Variants in GRIA1 observed in about 807,000 individuals in gnomAD.
GRIA1 encodes the protein glutamate ionotropic receptor AMPA type subunit 1.
A neutral mutation model predicts 99.2 loss-of-function variants in GRIA1; 31 were observed. The observed-to-expected ratio is 0.31, with a 90% confidence interval of 0.23 to 0.42. The LOEUF is 0.42. GRIA1 is among the 10% of genes least tolerant of loss of function. The pLI, the probability that GRIA1 is intolerant of heterozygous loss-of-function variation, is 1.00. For synonymous variants in GRIA1, 438 were observed against 432.4 expected (o/e 1.01, Z -0.16); for missense variants, 782 against 1,157.5 (o/e 0.68, Z 4.71).
At chr5:153,656,874 C>T (rs1754998390) in intron 5 of GRIA1, among the ~76,000 whole-genome samples, 1 of 152,122 alleles carries the variant, frequency 6.6e-6, no homozygotes, top group African/African-American at 2.4e-5. Context: ...TAAGCTCCTC[C>T]AGCCCTAGGC....
chr5:153,649,805 A>C (rs1268080405), intron 3 of GRIA1, among the ~76,000 whole-genome samples: 1 of 152,198 alleles, frequency 6.6e-6, no homozygotes, highest in Non-Finnish European at 1.5e-5. Flanking sequence ...GAGACAAAGT[A>C]TTAGGTATTA....
intron 7 of GRIA1, among the ~76,000 whole-genome samples, chr5:153,678,921 G>A (rs891957401): frequency 2.2e-4 from 34 of 152,322 alleles, no homozygotes; most frequent in African/African-American, 7.9e-4. Context: ...GAAAATGAAG[G>A]GGGTGGAGAG....
chr5:153,508,031 C>A (rs764387655), intron 2 of GRIA1, among the ~76,000 whole-genome samples: 6 of 152,190 alleles, frequency 3.9e-5, no homozygotes, highest in Non-Finnish European at 8.8e-5. Flanking sequence ...CCAGCAAACT[C>A]CCTGTACCCT....
At chr5:153,799,716 C>T (rs1033625839) in intron 14 of GRIA1, among the ~76,000 whole-genome samples, 1 of 152,172 alleles carries the variant, frequency 6.6e-6, no homozygotes, top group African/African-American at 2.4e-5. Flanking sequence ...GGTGGCAGTT[C>T]CTATACCGTC....
At chr5:153,697,878 A>G (rs1340058767) in intron 8 of GRIA1, among the ~76,000 whole-genome samples, 166 bp from the exon 9 acceptor site, 1 of 152,154 alleles carries the variant, frequency 6.6e-6, no homozygotes, top group Non-Finnish European at 1.5e-5. Flanking sequence ...CCTGAAAAGC[A>G]CTGTGCTTCT....
At chr5:153,720,189 G>A (rs924969927) in intron 11 of GRIA1, among the ~76,000 whole-genome samples, 3 of 152,210 alleles carry the variant, frequency 2.0e-5, no homozygotes, top group African/African-American at 7.2e-5. Flanking sequence ...GGTAAAGTTA[G>A]CATCGAGCAT....
At chr5:153,511,727 T>A (rs774997357) in intron 2 of GRIA1, among the ~76,000 whole-genome samples, 3 of 152,224 alleles carry the variant, frequency 2.0e-5, no homozygotes, top group Non-Finnish European at 4.4e-5. Flanking sequence ...CACAGAACTT[T>A]TGACCGTCAC....
intron 5 of GRIA1, among the ~76,000 whole-genome samples, chr5:153,658,856 C>G (rs1336559141): frequency 6.6e-6 from 1 of 152,160 alleles, no homozygotes; most frequent in Non-Finnish European, 1.5e-5. Flanking sequence ...TAGCAGATCA[C>G]TTCGGAGGAA....
intron 11 of GRIA1, among the ~76,000 whole-genome samples, chr5:153,710,274 G>A (rs980806692): frequency 9.2e-5 from 14 of 151,352 alleles, no homozygotes; most frequent in Non-Finnish European, 1.5e-5. Context: ...CCCAGCTGGA[G>A]TGTAGTGGTG....
At chr5:153,759,733 A>G (rs1299247657) in intron 11 of GRIA1, among the ~76,000 whole-genome samples, 2 of 151,938 alleles carry the variant, frequency 1.3e-5, no homozygotes, top group Non-Finnish European at 2.9e-5. Flanking sequence ...TCCCAAAACC[A>G]GACACAACAA....
chr5:153,808,934 G>A (rs182672199), intron 15 of GRIA1, among the ~76,000 whole-genome samples: 32 of 152,296 alleles, frequency 2.1e-4, no homozygotes, highest in African/African-American at 5.5e-4. Context: ...ACTTTGGCAA[G>A]CACCAATGTT....
chr5:153,579,432 A>G (rs1762854149), intron 2 of GRIA1, among the ~76,000 whole-genome samples: 1 of 152,218 alleles, frequency 6.6e-6, no homozygotes, highest in South Asian at 2.1e-4. Context: ...AGTGAGGCTG[A>G]GAGTCAAGTC....
At chr5:153,542,553 G>C (rs935182385) in intron 2 of GRIA1, among the ~76,000 whole-genome samples, 12 of 152,230 alleles carry the variant, frequency 7.9e-5, no homozygotes, top group Non-Finnish European at 1.8e-4. Context: ...TTTACTAAGA[G>C]TAAGTGTTTA....
chr5:153,726,231 A>T lies in GRIA1; in HGVS notation c.1823+20164A>T, dbSNP rs1352599508. On this transcript the variant is annotated intron_variant, in intron 11 of 15. Coordinates refer to ENST00000285900, the MANE Select transcript of GRIA1 (RefSeq NM_000827.4). The stretch of plus-strand genomic sequence containing the variant: ...CAACATACCAGAATCTCTGGGACGC[A>T]TTCAAAGCAGTGTGTAGAGGGAAAT... Among the ~76,000 whole-genome samples the T allele has an allele frequency of 8.0e-5, 12 of 150,288 alleles. 2 individuals are homozygous for T. The highest frequency in any genetic ancestry group is 8.0e-4 in the Admixed American group (12 of 15,088).
intron 11 of GRIA1, among the ~76,000 whole-genome samples, chr5:153,729,318 G>C (rs1760833694): frequency 6.6e-6 from 1 of 151,756 alleles, no homozygotes; most frequent in Non-Finnish European, 1.5e-5. Context: ...ACACCAGCAT[G>C]GCACATGTAT....
chr5:153,564,771 CA>C (rs1314749114), intron 2 of GRIA1, among the ~76,000 whole-genome samples: 2 of 152,150 alleles, frequency 1.3e-5, no homozygotes, highest in East Asian at 1.9e-4. Context: ...TAAAGAATTC[CA>C]AAGGTTGCCA....
At chr5:153,561,144 T>G (rs1761089140) in intron 2 of GRIA1, among the ~76,000 whole-genome samples, 1 of 152,116 alleles carries the variant, frequency 6.6e-6, no homozygotes, top group South Asian at 2.1e-4. Context: ...GGATCAAGAG[T>G]CCACATCAGA....
chr5:153,669,060 C>T (rs1755960184), intron 5 of GRIA1, among the ~76,000 whole-genome samples: 2 of 152,086 alleles, frequency 1.3e-5, no homozygotes, highest in African/African-American at 4.8e-5. Context: ...GTCTCTTAAC[C>T]ATAGCTCCTT....
intron 11 of GRIA1, among the ~76,000 whole-genome samples, chr5:153,751,479 A>G (rs1191755419): frequency 6.6e-6 from 1 of 152,254 alleles, no homozygotes; most frequent in South Asian, 2.1e-4. Context: ...TTGGCATTCA[A>G]GTGTTACTGG....
Sources: allele counts gnomAD v4.1 joint callset (sites outside exome capture counted in the v4.1 genomes callset), GRCh38; gene constraint gnomAD v4.1.1; transcripts MANE v1.5; gene names NCBI Gene and HGNC (gene_info 2026-07-23, HGNC 2026-07-21).